FMN1: variants seen among roughly 807,000 people sequenced by gnomAD.
FMN1 encodes the protein formin 1.
A neutral mutation model predicts 132.4 loss-of-function variants in FMN1; 110 were observed. The observed-to-expected ratio is 0.83, with a 90% CI of 0.71 to 0.97. The LOEUF (loss-of-function observed/expected upper bound fraction) is 0.97, where lower values mean the gene tolerates loss of function less well. Ranked by LOEUF, FMN1 falls within the 50% of genes least tolerant of loss-of-function variation. The pLI is 0.00. For synonymous variants in FMN1, 722 were observed against 651.7 expected (o/e 1.11, Z -1.64); for missense variants, 1,792 against 1,705.3 (o/e 1.05, Z -0.90).
At chr15:32,956,799 G>C (rs1481456705) in intron 9 of FMN1, among the ~76,000 whole-genome samples, 1 of 152,136 alleles carries the variant, frequency 6.6e-6, no homozygotes, top group Non-Finnish European at 1.5e-5. Flanking sequence ...CACCAAAGCT[G>C]AAATAATATA....
At chr15:33,001,007 G>A (rs555122536) in intron 7 of FMN1, among the ~76,000 whole-genome samples, 4 of 152,282 alleles carry the variant, frequency 2.6e-5, no homozygotes, top group African/African-American at 7.2e-5. Context: ...CCACGGCCAG[G>A]CACAGTGGCT....
At chr15:33,003,398 C>T (rs2034227132) in intron 7 of FMN1, among the ~76,000 whole-genome samples, 1 of 152,150 alleles carries the variant, frequency 6.6e-6, no homozygotes, top group Non-Finnish European at 1.5e-5. Context: ...CATTCTTATA[C>T]ACCAATAACA....
At chr15:33,126,739 G>A (rs1037242541) in intron 4 of FMN1, among the ~76,000 whole-genome samples, 2 of 152,006 alleles carry the variant, frequency 1.3e-5, no homozygotes, top group East Asian at 3.9e-4. Flanking sequence ...GGCTGGAGCA[G>A]AAACTCGGGA....
intron 9 of FMN1, among the ~76,000 whole-genome samples, chr15:32,950,630 T>C (rs537591029): frequency 1.3e-3 from 196 of 151,900 alleles, no homozygotes; most frequent in African/African-American, 4.3e-3. Context: ...TAAGTGGGAG[T>C]TAAATGATGA....
chr15:33,038,121 G>T (rs575277475), intron 6 of FMN1, among the ~76,000 whole-genome samples: 223 of 152,324 alleles, frequency 1.5e-3, no homozygotes, highest in African/African-American at 5.1e-3. Context: ...CCAGCTACTG[G>T]GGAGGCTGAG....
At chr15:32,872,816 C>T (rs559739169) in intron 16 of FMN1, among the ~76,000 whole-genome samples, 7 of 152,298 alleles carry the variant, frequency 4.6e-5, no homozygotes, top group African/African-American at 1.2e-4. Flanking sequence ...CCCATGTTCC[C>T]GTTTCAGCCC....
chr15:32,812,527 C>T (rs563711699), intron 17 of FMN1, among the ~76,000 whole-genome samples: 3 of 152,252 alleles, frequency 2.0e-5, no homozygotes, highest in Non-Finnish European at 2.9e-5. Flanking sequence ...TAATTTTATT[C>T]TTCCCTCAAG....
In FMN1 at chr15:32,969,383, A is replaced by C. The variant is rs1202011387; in HGVS notation, c.2318T>G (p.Leu773Arg). 6.2e-7 allele frequency: 1 copy of C among 1,613,798 alleles called. No homozygotes were observed. Among genetic ancestry groups the C allele is most frequent in the African/African-American group, 1.3e-5 (1 of 74,882 alleles). Reference protein sequence around the residue: ...EETIENLKHELEHRWRGGCEE... With the variant: ...EETIENLKHEREHRWRGGCEE... ...ACAACCCCCTCGCCATCTGTGTTCT[A>C]GCTCGTGTTTCAGATTTTCAATGGT... Residue 773 changes from leucine (L) to arginine (R), a missense_variant, in exon 8 of 21, where the codon CTA (leucine) becomes CGA (arginine). Leu to Arg is a moderately radical substitution (Grantham distance 102, BLOSUM62 -2). Around this residue, in one of 3 missense-constraint regions of FMN1, gnomAD observed 1,150 missense variants for 1,043.1 expected, o/e 1.10. Transcript: ENST00000616417.
intron 12 of FMN1, among the ~76,000 whole-genome samples, chr15:32,903,171 C>CT (rs5811718): frequency 0.079 from 11,961 of 151,832 alleles, 720 homozygotes; most frequent in African/African-American, 0.17. Context: ...AATCCACAAT[C>CT]TTTTTTTAGA....
At chr15:32,989,301 T>C (rs1045816808) in intron 7 of FMN1, among the ~76,000 whole-genome samples, 1 of 152,186 alleles carries the variant, frequency 6.6e-6, no homozygotes, top group Non-Finnish European at 1.5e-5. Flanking sequence ...ATAATTATAA[T>C]GTGAGAACTA....
intron 16 of FMN1, among the ~76,000 whole-genome samples, chr15:32,878,222 A>C (rs567004742): frequency 3.9e-5 from 6 of 152,168 alleles, no homozygotes; most frequent in Non-Finnish European, 5.9e-5. Context: ...AACACAAAGA[A>C]GGCCCGTGTG....
intron 4 of FMN1, among the ~76,000 whole-genome samples, chr15:33,115,501 C>G (rs920894646): frequency 7.4e-6 from 1 of 135,410 alleles, no homozygotes; most frequent in Non-Finnish European, 1.6e-5. Context: ...GCCCCCCCCC[C>G]CCACACACAC....
rs956207249 is a variant in FMN1 at position 32,774,158 on chromosome 15, G to C, written c.*152C>G. On this transcript the variant is annotated 3_prime_UTR_variant, in exon 21 of 21. Coordinates refer to ENST00000616417, the MANE Select transcript of FMN1 (RefSeq NM_001277313.2). ...TGAGGGACTTCTTAAAGAAGGCATGGGGCACTCTCTGCAGATGACCTCAGA... is the reference window on the plus strand; with the variant it reads ...TGAGGGACTTCTTAAAGAAGGCATGCGGCACTCTCTGCAGATGACCTCAGA... The C allele has an allele frequency of 1.5e-6, 1 of 659,358 alleles. No homozygotes were observed. Among genetic ancestry groups the C allele is most frequent in the African/African-American group, 1.9e-5 (1 of 52,960 alleles). The allele number at this position is 659,358 out of a possible 1,614,324, so 40.8% of individuals were successfully genotyped here.
At chr15:33,038,261 A>G (rs540095757) in intron 6 of FMN1, among the ~76,000 whole-genome samples, 1 of 152,304 alleles carries the variant, frequency 6.6e-6, no homozygotes, top group Admixed American at 6.5e-5. Flanking sequence ...TAAATAAACT[A>G]TTACATCCCT....
At chr15:32,994,201 T>C (rs886877067) in intron 7 of FMN1, among the ~76,000 whole-genome samples, 2 of 122,806 alleles carry the variant, frequency 1.6e-5, no homozygotes, top group East Asian at 2.7e-4. Flanking sequence ...AATTGTTGAA[T>C]AGAACTCATT....
chr15:33,072,880 C>A lies in FMN1; in HGVS notation c.2044-7806G>T, dbSNP rs540695595. ...GGAGGCTGCAGTGAGCCGAGATGCA[C>A]CCCCTGCACTCCAGCCTGGGCAACA... On this transcript the variant is annotated intron_variant, in intron 5 of 20. Transcript: ENST00000616417. 2.4e-4 allele frequency among the ~76,000 whole-genome samples: 36 copies of A among 151,328 alleles called. 1 individual carries two copies. The highest frequency in any genetic ancestry group is 6.8e-3 in the Middle Eastern group (2 of 294).
At chr15:33,165,902 T>G (rs1008473668) in intron 3 of FMN1, among the ~76,000 whole-genome samples, 1 of 152,230 alleles carries the variant, frequency 6.6e-6, no homozygotes, top group African/African-American at 2.4e-5. Context: ...CCACATCTGT[T>G]GACAGAAAAC....
intron 9 of FMN1, among the ~76,000 whole-genome samples, chr15:32,949,970 C>CATAT (rs370244413): frequency 0.014 from 119 of 8,730 alleles, 33 homozygotes; most frequent in Non-Finnish European, 0.025. Flanking sequence ...TATATACACA[C>CATAT]ATATATATAC....
rs372776898 is a variant in FMN1 at position 32,964,046 on chromosome 15, CACAT to C, written c.3138+57_3138+60del. On this transcript the variant is annotated intron_variant, in intron 9 of 20. Transcript: ENST00000616417. ...ACACACACACACACACACACACACACACATATATACCATTTCCCTGTATAATATA... is the reference window on the plus strand; with the variant it reads ...ACACACACACACACACACACACACACATATACCATTTCCCTGTATAATATA... The C allele has an allele frequency of 1.8e-3, 2,247 of 1,239,284 alleles. 32 individuals carry two copies. The African/African-American group carries it at 0.03, about 16-fold the overall frequency. 76.8% of individuals were successfully genotyped at this position (1,239,284 alleles called of 1,614,324 possible). A position where few individuals can be genotyped will look rare whatever the true frequency, so the allele number is the denominator to read the frequency against.
Sources: gnomAD v4.1 joint callset for allele counts (sites outside exome capture counted in the v4.1 genomes callset) on GRCh38, gnomAD v4.1.1 for gene constraint, gnomAD v4.1.1 regional missense constraint, MANE v1.5 for transcripts, NCBI Gene and HGNC (gene_info 2026-07-23, HGNC 2026-07-21) for gene names.